Variants in ASXL2 observed in about 807,000 individuals in gnomAD.
ASXL2 encodes putative Polycomb group protein ASXL2.
A neutral mutation model predicts 122.0 loss-of-function variants in ASXL2; 23 were observed. That is an observed-to-expected ratio of 0.19 (90% confidence interval 0.14 to 0.27). The LOEUF (loss-of-function observed/expected upper bound fraction) is 0.27, where lower values mean the gene tolerates loss of function less well. Among genes scored for constraint, ASXL2 ranks in the 10% least tolerant of loss-of-function variants. The pLI is 1.00. For synonymous variants in ASXL2, 650 were observed against 637.0 expected (o/e 1.02, Z -0.31); for missense variants, 1,518 against 1,713.8 (o/e 0.89, Z 2.02).
At chr2:25,799,055 T>C (rs1022502351) in intron 5 of ASXL2, among the ~76,000 whole-genome samples, 2 of 151,384 alleles carry the variant, frequency 1.3e-5, no homozygotes, top group Non-Finnish European at 3.0e-5. Flanking sequence ...GGGGGAGGGG[T>C]ACATGGGAAA....
intron 1 of ASXL2, among the ~76,000 whole-genome samples, chr2:25,865,774 CAAAAAAAAAAA>C (rs61021417): frequency 1.8e-4 from 10 of 55,536 alleles, no homozygotes; most frequent in African/African-American, 3.0e-4. Context: ...GACTCCGTCT[CAAAAAAAAAAA>C]AAAAAAAAAA....
intron 3 of ASXL2, among the ~76,000 whole-genome samples, chr2:25,820,572 C>T (rs1314058550): frequency 2.0e-5 from 3 of 152,152 alleles, no homozygotes; most frequent in Non-Finnish European, 4.4e-5. Flanking sequence ...CTTACAGAGA[C>T]AGAAAGTAGA....
At chr2:25,855,126 ATCAC>A (rs2089761548) in intron 1 of ASXL2, among the ~76,000 whole-genome samples, 3 of 152,210 alleles carry the variant, frequency 2.0e-5, no homozygotes, top group African/African-American at 7.2e-5. Flanking sequence ...AAGTTTATCT[ATCAC>A]TCAACAAAAT....
At chr2:25,789,012 G>T (rs2088790489) in intron 5 of ASXL2, among the ~76,000 whole-genome samples, 1 of 151,506 alleles carries the variant, frequency 6.6e-6, no homozygotes, top group Non-Finnish European at 1.5e-5. Context: ...TATTTTCTTG[G>T]CTTTTCTGAT....
chr2:25,800,557 CTT>C (rs1480363166), intron 4 of ASXL2, among the ~76,000 whole-genome samples: 2 of 152,136 alleles, frequency 1.3e-5, no homozygotes, highest in Admixed American at 6.5e-5. Context: ...ATATGAAACT[CTT>C]TGGTTTCTGC....
chr2:25,853,264 T>G (rs1273442979), intron 1 of ASXL2, among the ~76,000 whole-genome samples: 1 of 152,158 alleles, frequency 6.6e-6, no homozygotes, highest in East Asian at 1.9e-4. Flanking sequence ...GTTCAGGAGC[T>G]CAACACATGA....
chr2:25,798,431 C>T (rs955606032), intron 5 of ASXL2, among the ~76,000 whole-genome samples: 1 of 152,154 alleles, frequency 6.6e-6, no homozygotes, highest in Non-Finnish European at 1.5e-5. Context: ...AACTATATGA[C>T]ATTTTGGAAA....
At chr2:25,762,450 G>A (rs935263512) in intron 8 of ASXL2, among the ~76,000 whole-genome samples, 1 of 151,832 alleles carries the variant, frequency 6.6e-6, no homozygotes, top group Non-Finnish European at 1.5e-5. Flanking sequence ...TGAACCACTT[G>A]AGGGCAGGAG....
At chr2:25,766,972 C>T (rs916297263) in intron 8 of ASXL2, among the ~76,000 whole-genome samples, 3 of 152,164 alleles carry the variant, frequency 2.0e-5, no homozygotes, top group African/African-American at 7.2e-5. Flanking sequence ...CCTTATGTGG[C>T]TGCTTTATCC....
chr2:25,878,468 G>A lies in ASXL2; in HGVS notation c.-246C>T, dbSNP rs943127740. Reference sequence around the variant, plus strand: ...TGCCATATTGGGTTCTTACTGTACAGGCTGCCGCTACGGTCATGTGACCGC... The same window carrying A: ...TGCCATATTGGGTTCTTACTGTACAAGCTGCCGCTACGGTCATGTGACCGC... On this transcript the variant is annotated 5_prime_UTR_variant, in exon 1 of 13. Coordinates refer to ENST00000435504, the MANE Select transcript of ASXL2 (RefSeq NM_018263.6). 83 of 532,022 alleles carry A rather than the reference G, an allele frequency of 1.6e-4. No individual in the cohort carries two copies. The highest frequency in any genetic ancestry group is 2.5e-4 in the Non-Finnish European group (75 of 300,026). 33.0% of individuals were successfully genotyped at this position (532,022 alleles called of 1,614,324 possible).
intron 3 of ASXL2, among the ~76,000 whole-genome samples, chr2:25,831,862 T>C (rs139369470): frequency 0.029 from 4,456 of 152,048 alleles, 115 homozygotes; most frequent in Middle Eastern, 0.051. Flanking sequence ...AACAACACAT[T>C]ACTACAGGGA....
At chr2:25,830,608 G>A (rs1389855329) in intron 3 of ASXL2, among the ~76,000 whole-genome samples, 5 of 148,196 alleles carry the variant, frequency 3.4e-5, no homozygotes, top group African/African-American at 7.5e-5. Flanking sequence ...CCTGGGCGAC[G>A]GAGCAAGACT....
chr2:25,814,716 A>G (rs1216763499), intron 3 of ASXL2, among the ~76,000 whole-genome samples: 4 of 152,218 alleles, frequency 2.6e-5, no homozygotes, highest in African/African-American at 9.6e-5. Context: ...GGCCCTTTTT[A>G]GTTCTCTCTG....
At chr2:25,876,538 A>G (rs1050532191) in intron 1 of ASXL2, among the ~76,000 whole-genome samples, 8 of 152,302 alleles carry the variant, frequency 5.3e-5, no homozygotes, top group African/African-American at 1.9e-4. Context: ...AACAATTTTA[A>G]AGACCCTAGG....
At chr2:25,869,660 T>G (rs991744790) in intron 1 of ASXL2, among the ~76,000 whole-genome samples, 8 of 150,798 alleles carry the variant, frequency 5.3e-5, no homozygotes, top group Admixed American at 2.0e-4. Context: ...CTACTAAAAT[T>G]ACAAAAATTA....
At chr2:25,841,783 T>C (rs1311210522) in intron 2 of ASXL2, among the ~76,000 whole-genome samples, 1 of 151,918 alleles carries the variant, frequency 6.6e-6, no homozygotes, top group Admixed American at 6.6e-5. Flanking sequence ...CCATCTCTAC[T>C]ACAAATACAA....
At chr2:25,806,904 G>A (rs1041010975) in intron 3 of ASXL2, among the ~76,000 whole-genome samples, 1 of 151,116 alleles carries the variant, frequency 6.6e-6, no homozygotes, top group Admixed American at 6.6e-5. Flanking sequence ...TAGAATTTCA[G>A]GTATATAATA....
chr2:25,803,394 C>T (rs2089029383), intron 4 of ASXL2, among the ~76,000 whole-genome samples: 1 of 152,158 alleles, frequency 6.6e-6, no homozygotes, highest in African/African-American at 2.4e-5. Context: ...GAGGGAACCC[C>T]AATTATAACC....
chr2:25,852,324 A>C (rs767977291), intron 1 of ASXL2, among the ~76,000 whole-genome samples: 15 of 152,246 alleles, frequency 9.9e-5, no homozygotes, highest in Non-Finnish European at 2.2e-4. Context: ...AGGATTTAAA[A>C]ATTATATTTT....
Sources: allele counts gnomAD v4.1 joint callset (sites outside exome capture counted in the v4.1 genomes callset), GRCh38; gene constraint gnomAD v4.1.1; transcripts MANE v1.5; gene names NCBI Gene and HGNC (gene_info 2026-07-23, HGNC 2026-07-21).